DMRTC2: variants seen among roughly 807,000 people sequenced by gnomAD.
DMRTC2 encodes DMRT like family C2, also known as doublesex- and mab-3-related transcription factor C2.
In DMRTC2, 13 loss-of-function variants were observed where a neutral mutation model predicts 39.9. That is an observed-to-expected ratio of 0.33 (90% confidence interval 0.21 to 0.52). The LOEUF is 0.52. Ranked by LOEUF, DMRTC2 falls within the 20% of genes least tolerant of loss-of-function variation. DMRTC2 has a pLI of 0.96. For missense variants in DMRTC2, 431 were observed against 472.8 expected (o/e 0.91, Z 0.82); for synonymous variants, 189 against 185.2 (o/e 1.02, Z -0.17).
At chr19:41,847,685 AG>A (rs782133613) in intron 2 of DMRTC2, 33 bp downstream of exon 2, 1 of 1,613,706 alleles carries the variant, frequency 6.2e-7, no homozygotes, top group South Asian at 1.1e-5. Context: ...GAGGAGGATG[AG>A]CCTCCTCCAA....
intron 8 of DMRTC2, chr19:41,851,341 C>CGTATCATTAAAAAA: frequency 2.1e-6 from 1 of 480,064 alleles, no homozygotes; most frequent in South Asian, 3.1e-5. Flanking sequence ...GAAGGGGAGC[C>CGTATCATTAAAAAA]AGGGAACGTT....
At chr19:41,845,990 C>T (rs1195384417) in intron 1 of DMRTC2, among the ~76,000 whole-genome samples, 3 of 148,756 alleles carry the variant, frequency 2.0e-5, no homozygotes, top group East Asian at 2.0e-4. Flanking sequence ...CCAGCCTGGG[C>T]AACAGAGCGA....
Position 41,850,355 on chromosome 19 carries a change from C to T in DMRTC2, c.799C>T (p.Leu267Phe), listed in dbSNP as rs2123227913. 6.6e-7 allele frequency: 1 copy of T among 1,521,380 alleles called. No homozygotes were observed. The highest frequency in any genetic ancestry group is 1.4e-5 in the African/African-American group (1 of 71,600). 94.2% of individuals were successfully genotyped at this position (1,521,380 alleles called of 1,614,324 possible). ...ILQPCGTPDP[L>F]QLQPQASGAS... ...CCAGCCCTGTGGCACCCCAGACCCT[C>T]TTCAGCTACAGCCACAGGTCCTGGG... is the stretch of plus-strand genomic sequence containing the variant. Residue 267 changes from leucine (L) to phenylalanine (F), a missense_variant, in exon 7 of 9, where the codon CTT becomes TTT. Leu to Phe is a conservative substitution (Grantham distance 22, BLOSUM62 0). Coordinates refer to ENST00000269945, the MANE Select transcript of DMRTC2 (RefSeq NM_001040283.3).
chr19:41,849,069 A>G, intron 5 of DMRTC2, 61 bp from the exon 6 acceptor site: 1 of 1,611,566 alleles, frequency 6.2e-7, no homozygotes, highest in Non-Finnish European at 8.5e-7. Context: ...AGGTGGGGAG[A>G]GGGAGGAAAG....
In DMRTC2 at chr19:41,851,628, C is replaced by T. The variant is rs141103699; in HGVS notation, c.1036C>T (p.Arg346Ter). ...RGFQPVGPCLRPSPAPSVALH... is the reference protein window; with the variant it reads ...RGFQPVGPCL Reference sequence around the variant, plus strand: ...ATTCCAGCCTGTTGGCCCCTGTCTTCGACCCAGCCCAGCCCCCTCTGTTGC... The same window carrying T: ...ATTCCAGCCTGTTGGCCCCTGTCTTTGACCCAGCCCAGCCCCCTCTGTTGC... The change falls in exon 9 of 9, where the codon CGA becomes TGA. Residue 346 changes from arginine to a stop codon, truncating the protein, a stop_gained. Coordinates refer to ENST00000269945, the MANE Select transcript of DMRTC2 (RefSeq NM_001040283.3). LOFTEE classifies it high-confidence loss of function. The T allele has an allele frequency of 1.2e-4, 200 of 1,614,074 alleles. No homozygotes were observed. The highest frequency in any genetic ancestry group is 1.6e-4 in the Middle Eastern group (1 of 6,082).
At chr19:41,848,616 A>G (rs2073904131) in intron 4 of DMRTC2, 88 bp downstream of exon 4, 1 of 1,375,092 alleles carries the variant, frequency 7.3e-7, no homozygotes, top group Non-Finnish European at 1.0e-6. Context: ...CCTGGGTTCT[A>G]GCCCCAGCCC....
rs1347638702 is a variant in DMRTC2, at chr19:41,848,981, A to T, written c.628+6A>T. 1.9e-6 allele frequency: 3 copies of T among 1,614,034 alleles called. No homozygotes were observed. Among genetic ancestry groups the T allele is most frequent in the Non-Finnish European group, 2.5e-6 (3 of 1,179,920 alleles). ...CTCTCTGCCTCCCTTCCCTGGTAAG[A>T]TGATAATTCAACATTCATTCAACAT... On this transcript the variant is annotated splice_donor_region_variant and intron_variant, in intron 5 of 8. Transcript: ENST00000269945.
At chr19:41,844,972 T>C (rs1555835122), upstream of DMRTC2, 1 of 152,258 alleles carries the variant, frequency 6.6e-6, no homozygotes, top group Non-Finnish European at 1.5e-5. Context: ...AGAGAGGCGA[T>C]GCTTGAAGTT....
Position 41,848,324 on chromosome 19 carries a change from C to T in DMRTC2, c.371-128C>T, listed in dbSNP as rs529814411. 7.0e-5 allele frequency: 52 copies of T among 744,118 alleles called. No individual in the cohort carries two copies. In the South Asian group the frequency reaches 9.6e-4, roughly 14 times the overall value. The allele number at this position is 744,118 out of a possible 1,614,324, so 46.1% of individuals were successfully genotyped here. On this transcript the variant is annotated intron_variant, in intron 3 of 8. Coordinates refer to ENST00000269945, the MANE Select transcript of DMRTC2 (RefSeq NM_001040283.3). Reference sequence around the variant, plus strand: ...TCACGCCACTGCACTCCAGCCTGGGCGACACAGCAAGACTCCATCTCAAAA... The same window carrying T: ...TCACGCCACTGCACTCCAGCCTGGGTGACACAGCAAGACTCCATCTCAAAA...
intron 8 of DMRTC2, chr19:41,851,328 T>G: frequency 4.4e-6 from 2 of 452,816 alleles, no homozygotes; most frequent in Non-Finnish European, 4.0e-6. Context: ...AGCAACTGTA[T>G]GTGAAGGGGA....
rs782123198 is a variant in DMRTC2, at chr19:41,848,830, G to A, written c.483G>A (p.Pro161=). 38 of 1,610,294 alleles carry A rather than the reference G, an allele frequency of 2.4e-5. No individual in the cohort carries two copies. The highest frequency in any genetic ancestry group is 1.6e-4 in the Middle Eastern group (1 of 6,062). Reference sequence around the variant, plus strand: ...GGCCTCTGCTGCTCAGCCATCCCCCGGAAGCCTCGCCCTTGTCCTGGACTC... The same window carrying A: ...GGCCTCTGCTGCTCAGCCATCCCCCAGAAGCCTCGCCCTTGTCCTGGACTC... ...SCGPLLLSHP[P]EASPLSWTPV... Residue 161 remains proline, a synonymous_variant, in exon 5 of 9, where the codon CCG becomes CCA. Coordinates refer to ENST00000269945, the MANE Select transcript of DMRTC2 (RefSeq NM_001040283.3).
Position 41,851,612 on chromosome 19 carries a change from T to G in DMRTC2, c.1020T>G (p.Pro340=), listed in dbSNP as rs1038151383. The part of the protein sequence containing the change: ...PAPAGGRGFQ[P]VGPCLRPSPA... Reference sequence around the variant, plus strand: ...CTGCTGGAGGAAGAGGATTCCAGCCTGTTGGCCCCTGTCTTCGACCCAGCC... The same window carrying G: ...CTGCTGGAGGAAGAGGATTCCAGCCGGTTGGCCCCTGTCTTCGACCCAGCC... The change falls in exon 9 of 9, where the codon CCT becomes CCG. Residue 340 remains proline (P), a synonymous_variant. Transcript: ENST00000269945. 1.2e-6 allele frequency: 2 copies of G among 1,614,084 alleles called. No homozygotes were observed. The highest frequency in any genetic ancestry group is 1.7e-6 in the Non-Finnish European group (2 of 1,180,038).
chr19:41,850,906 T>A (rs1196694657), intron 8 of DMRTC2: 6 of 499,566 alleles, frequency 1.2e-5, no homozygotes, highest in Non-Finnish European at 2.0e-5. Context: ...GACAGCAAAT[T>A]TCTTGATATC....
chr19:41,850,766 G>T, intron 8 of DMRTC2, 66 bp downstream of exon 8: 1 of 1,470,768 alleles, frequency 6.8e-7, no homozygotes. Flanking sequence ...AGTACACAGG[G>T]ACTAACCAAG....
Position 41,848,809 on chromosome 19 carries a change from T to C in DMRTC2, c.462T>C (p.Pro154=), listed in dbSNP as rs967587177. 1.9e-6 allele frequency: 3 copies of C among 1,608,822 alleles called. No homozygotes were observed. The highest frequency in any genetic ancestry group is 2.2e-5 in the East Asian group (1 of 44,868). ...TGCCCCTGCAGAACTCCTGTGGGCC[T>C]CTGCTGCTCAGCCATCCCCCGGAAG... ...PTPPGKNSCG[P]LLLSHPPEAS... The change falls in exon 5 of 9, where the codon CCT becomes CCC. Residue 154 remains proline, a synonymous_variant. Coordinates refer to ENST00000269945, the MANE Select transcript of DMRTC2 (RefSeq NM_001040283.3).
At chr19:41,849,854 A>G (rs1027019353) in intron 6 of DMRTC2, among the ~76,000 whole-genome samples, 1 of 152,152 alleles carries the variant, frequency 6.6e-6, no homozygotes, top group Non-Finnish European at 1.5e-5. Flanking sequence ...CTGAGGTGGG[A>G]GGATTACTTG....
In DMRTC2 at chr19:41,848,896, T is replaced by C. The variant is rs782677269; in HGVS notation, c.549T>C (p.Pro183=). The C allele has an allele frequency of 5.6e-6, 9 of 1,613,438 alleles. No homozygotes were observed. The East Asian group carries it at 1.8e-4, about 32-fold the overall frequency. Reference sequence around the variant, plus strand: ...CTTGGGTCCCTGGACACTGGCTGCCTCCAGGCTTCTCCATGCCACCACCAG... The same window carrying C: ...CTTGGGTCCCTGGACACTGGCTGCCCCCAGGCTTCTCCATGCCACCACCAG... ...PGPWVPGHWL[P]PGFSMPPPVV... Residue 183 remains proline, a synonymous_variant, in exon 5 of 9, where the codon CCT becomes CCC. Coordinates refer to ENST00000269945, the MANE Select transcript of DMRTC2 (RefSeq NM_001040283.3).
At chr19:41,851,438 A>T in intron 8 of DMRTC2, 146 bp from the exon 9 acceptor site, 1 of 663,564 alleles carries the variant, frequency 1.5e-6, no homozygotes, top group South Asian at 1.9e-5. Flanking sequence ...AGGAGGCAAG[A>T]CTGGAGGTGG....
In DMRTC2 at chr19:41,851,786, A is replaced by C; in HGVS notation, c.*90A>C. On this transcript the variant is annotated 3_prime_UTR_variant, in exon 9 of 9. Transcript: ENST00000269945. ...TAGTGTCTTACTTAAGGATTTATGC[A>C]TGGAATTTAATGTAGTACAAGCTTC... The C allele has an allele frequency of 8.9e-7, 1 of 1,129,696 alleles. No individual in the cohort carries two copies. The highest frequency in any genetic ancestry group is 1.3e-5 in the South Asian group (1 of 75,240). 70.0% of individuals were successfully genotyped at this position (1,129,696 alleles called of 1,614,324 possible). A position where few individuals can be genotyped will look rare whatever the true frequency, so the allele number is the denominator to read the frequency against.
Sources: allele counts gnomAD v4.1 joint callset (sites outside exome capture counted in the v4.1 genomes callset), GRCh38; gene constraint gnomAD v4.1.1; transcripts MANE v1.5; gene names NCBI Gene and HGNC (gene_info 2026-07-23, HGNC 2026-07-21).